LMO7: variants seen among roughly 807,000 people sequenced by gnomAD.
LMO7 encodes the protein LIM domain only protein 7.
In LMO7, 120 loss-of-function variants were observed where a neutral mutation model predicts 206.5. That is an observed-to-expected ratio of 0.58 (90% CI 0.50 to 0.68). LMO7 has a LOEUF of 0.68. Among genes scored for constraint, LMO7 ranks in the 30% least tolerant of loss-of-function variants. LMO7 has a pLI of 0.00. For missense variants in LMO7, 1,959 were observed against 1,957.9 expected, an observed-to-expected ratio of 1.00 and a Z score of -0.01; for synonymous variants, 706 against 681.5, an observed-to-expected ratio of 1.04 and a Z score of -0.56.
At chr13:75,642,442 C>CAAA (rs5804829) in intron 1 of LMO7, among the ~76,000 whole-genome samples, 83 of 72,332 alleles carry the variant, frequency 1.1e-3, no homozygotes, top group Non-Finnish European at 1.7e-3. Context: ...CCATCTCTAC[C>CAAA]AAAAAAAAAA....
chr13:75,740,233 G>A (rs1308474066), intron 3 of LMO7, among the ~76,000 whole-genome samples: 3 of 152,202 alleles, frequency 2.0e-5, no homozygotes, highest in East Asian at 1.9e-4. Context: ...CTCAGAGGGA[G>A]TATCTCTCTA....
rs185747136 is a variant in LMO7 at position 75,836,503 on chromosome 13, A to T, written c.3394+46A>T. On this transcript the variant is annotated intron_variant, in intron 19 of 30. Transcript: ENST00000377534. ...TTACATTTATAATACAGGAAAAGACATAGCACTCAAGTTCTGCTGTTATAA... is the reference window on the plus strand; with the variant it reads ...TTACATTTATAATACAGGAAAAGACTTAGCACTCAAGTTCTGCTGTTATAA... 486 of 981,126 alleles carry T rather than the reference A, an allele frequency of 5.0e-4. 2 individuals carry two copies. In the African/African-American group the frequency reaches 6.8e-3, roughly 14 times the overall value. 60.8% of individuals were successfully genotyped at this position (981,126 alleles called of 1,614,324 possible).
At chr13:75,685,325 C>T (rs1037378688) in intron 1 of LMO7, among the ~76,000 whole-genome samples, 1 of 152,108 alleles carries the variant, frequency 6.6e-6, no homozygotes, top group Non-Finnish European at 1.5e-5. Flanking sequence ...GCTGCTATGC[C>T]ACATATTTGA....
At chr13:75,672,770 C>G (rs2039699445) in intron 1 of LMO7, among the ~76,000 whole-genome samples, 1 of 151,166 alleles carries the variant, frequency 6.6e-6, no homozygotes. Context: ...AAAATGATAT[C>G]TCATACTTTT....
intron 3 of LMO7, among the ~76,000 whole-genome samples, chr13:75,752,399 C>T (rs2047345304): frequency 6.6e-6 from 1 of 152,178 alleles, no homozygotes; most frequent in Non-Finnish European, 1.5e-5. Context: ...TCCCACAGTG[C>T]TGGGATTACA....
rs563847255 is a variant in LMO7 at position 75,636,598 on chromosome 13, C to G, written c.-60C>G. On this transcript the variant is annotated 5_prime_UTR_variant, in exon 1 of 31. Transcript: ENST00000377534. ...TCCCCGCCCGTGGGGCCCAGACGCG[C>G]GGGGACAACCCCTCCCCTCCACGCA... 1.1e-5 allele frequency: 17 copies of G among 1,543,572 alleles called. No individual in the cohort carries two copies. The highest frequency in any genetic ancestry group is 1.1e-4 in the South Asian group (9 of 84,012).
intron 1 of LMO7, among the ~76,000 whole-genome samples, chr13:75,704,950 A>G (rs896161158): frequency 6.6e-6 from 1 of 152,236 alleles, no homozygotes; most frequent in Non-Finnish European, 1.5e-5. Context: ...CTTGGCAATT[A>G]TTGCCTTAAT....
At chr13:75,802,424 G>A (rs753263000) in intron 7 of LMO7, among the ~76,000 whole-genome samples, 6 of 152,158 alleles carry the variant, frequency 3.9e-5, no homozygotes, top group Non-Finnish European at 5.9e-5. Flanking sequence ...TTCTGAACCC[G>A]CTGTATTTCT....
intron 3 of LMO7, among the ~76,000 whole-genome samples, chr13:75,744,437 G>A (rs1448949050): frequency 2.0e-5 from 3 of 152,154 alleles, no homozygotes; most frequent in Admixed American, 6.5e-5. Context: ...ACGTTAATGA[G>A]TTAGAATTAC....
intron 2 of LMO7, among the ~76,000 whole-genome samples, chr13:75,725,022 GAAGTGTTAATTAACTCATTA>G (rs2044345308): frequency 6.6e-6 from 1 of 152,196 alleles, no homozygotes; most frequent in East Asian, 1.9e-4. Flanking sequence ...TCTGATGAGG[GAAGTGTTAATTAACTCATTA>G]TTGGGAGACA....
At chr13:75,791,058 A>G (rs2053225037) in intron 4 of LMO7, among the ~76,000 whole-genome samples, 1 of 151,320 alleles carries the variant, frequency 6.6e-6, no homozygotes, top group Non-Finnish European at 1.5e-5. Context: ...CTCACTGCAA[A>G]CTCTGCCTCC....
Position 75,804,273 on chromosome 13 carries a change from T to A in LMO7, c.662-16T>A. 17 of 1,606,014 alleles carry A rather than the reference T, an allele frequency of 1.1e-5. No individual in the cohort carries two copies. The highest frequency in any genetic ancestry group is 1.4e-5 in the Non-Finnish European group (16 of 1,174,546). ...TAATCTGGAGAGTAAAGCAAATTCT[T>A]GTGCCTTCTTTATAGGTTTTGAAAG... On this transcript the variant is annotated splice_polypyrimidine_tract_variant and intron_variant, in intron 7 of 30. Transcript: ENST00000377534.
intron 1 of LMO7, among the ~76,000 whole-genome samples, chr13:75,711,621 C>T (rs572825657): frequency 6.6e-6 from 1 of 152,330 alleles, no homozygotes; most frequent in Non-Finnish European, 1.5e-5. Flanking sequence ...CTGCACCCCC[C>T]CTGTCCTGCA....
At chr13:75,719,413 TC>T in intron 2 of LMO7, among the ~76,000 whole-genome samples, 1 of 152,316 alleles carries the variant, frequency 6.6e-6, no homozygotes, top group East Asian at 1.9e-4. Flanking sequence ...GCTATGAACA[TC>T]CATGATATGG....
At chr13:75,792,093 C>G (rs2053389646) in intron 4 of LMO7, among the ~76,000 whole-genome samples, 1 of 152,074 alleles carries the variant, frequency 6.6e-6, no homozygotes, top group South Asian at 2.1e-4. Flanking sequence ...CTCAGCCTCC[C>G]AAGTAGCTGG....
chr13:75,832,817 A>G (rs1464258888), intron 15 of LMO7, among the ~76,000 whole-genome samples: 2 of 152,232 alleles, frequency 1.3e-5, no homozygotes, highest in Non-Finnish European at 2.9e-5. Flanking sequence ...TAATATGAAG[A>G]AAAACATGTA....
chr13:75,736,366 A>G (rs1340976011), intron 3 of LMO7, among the ~76,000 whole-genome samples: 2 of 152,242 alleles, frequency 1.3e-5, no homozygotes. Context: ...GTTTGTCAGG[A>G]TGGTTATATT....
Position 75,758,728 on chromosome 13 carries a change from T to C in LMO7, c.211-2204T>C, listed in dbSNP as rs899345805. On this transcript the variant is annotated intron_variant, in intron 3 of 30. Transcript: ENST00000377534. ...TGTACCTATTTGTCAACTAGATGAA[T>C]GCTATTATGTTTGTATGAAATATGT... Among the ~76,000 whole-genome samples the C allele has an allele frequency of 3.9e-5, 6 of 152,334 alleles. No homozygotes were observed. The East Asian group carries it at 1.2e-3, about 29-fold the overall frequency.
chr13:75,856,642 C>T lies in LMO7; in HGVS notation c.4873+34C>T, dbSNP rs757816428. The T allele has an allele frequency of 3.6e-6, 5 of 1,375,270 alleles. No individual in the cohort carries two copies. The African/African-American group carries it at 4.3e-5, about 12-fold the overall frequency. 85.2% of individuals were successfully genotyped at this position (1,375,270 alleles called of 1,614,324 possible). A position where few individuals can be genotyped will look rare whatever the true frequency, so the allele number is the denominator to read the frequency against. ...GCAAATCAGAGAGAAAATTTCTTGCCTTTTAAGGAGGCCACGGGTTCCCAT... is the reference window on the plus strand; with the variant it reads ...GCAAATCAGAGAGAAAATTTCTTGCTTTTTAAGGAGGCCACGGGTTCCCAT... On this transcript the variant is annotated intron_variant, in intron 30 of 30. Transcript: ENST00000377534.
Sources: gnomAD v4.1 joint callset for allele counts (sites outside exome capture counted in the v4.1 genomes callset) on GRCh38, gnomAD v4.1.1 for gene constraint, MANE v1.5 for transcripts, NCBI Gene and HGNC (gene_info 2026-07-23, HGNC 2026-07-21) for gene names.